Variants in CROCC2 observed in about 807,000 individuals in gnomAD.
The protein encoded by CROCC2 is ciliary rootlet coiled-coil, rootletin family member 2, also known as ciliary rootlet coiled-coil protein 2.
A neutral mutation model predicts 177.6 loss-of-function variants in CROCC2; 163 were observed. The ratio of observed to expected loss-of-function variants is 0.92; its 90% confidence interval spans 0.81 to 1.05. The LOEUF (loss-of-function observed/expected upper bound fraction) is 1.05, where lower values mean the gene tolerates loss of function less well. CROCC2 is among the 50% of genes least tolerant of loss of function. The pLI is 0.00. For missense variants in CROCC2, 1,929 were observed against 1,797.8 expected (o/e 1.07, Z -1.32); for synonymous variants, 904 against 787.3 (o/e 1.15, Z -2.48).
At chr2:240,991,065 GC>G in intron 30 of CROCC2, 130 bp from the exon 31 acceptor site, 1 of 589,760 alleles carries the variant, frequency 1.7e-6, no homozygotes, top group Non-Finnish European at 2.9e-6. Flanking sequence ...TCCCATGCAT[GC>G]CACCTCTCCT....
chr2:240,950,910 T>G lies in CROCC2; in HGVS notation c.2829+400T>G, dbSNP rs370665560. On this transcript the variant is annotated intron_variant, in intron 18 of 31. Transcript: ENST00000690015. ...ATCCATCCATTTATCCATCCATCCA[T>G]CCAGCCATCCATCCACCCATTTACC... 6.5e-4 allele frequency: 60 copies of G among 93,002 alleles called. 1 individual carries two copies. Among genetic ancestry groups the G allele is most frequent in the South Asian group, 8.5e-4 (3 of 3,544 alleles). The allele number at this position is 93,002 out of a possible 1,614,324, so 5.8% of individuals were successfully genotyped here.
intron 27 of CROCC2, among the ~76,000 whole-genome samples, chr2:240,979,991 C>A (rs2059787271): frequency 3.2e-5 from 1 of 31,392 alleles, no homozygotes; most frequent in Admixed American, 3.2e-4. Flanking sequence ...GGGGTAGGAG[C>A]CTCAGGATCC....
intron 5 of CROCC2, among the ~76,000 whole-genome samples, chr2:240,929,214 G>C (rs2059412496): frequency 3.3e-5 from 5 of 152,178 alleles, no homozygotes. Flanking sequence ...GTTCTTCAAG[G>C]TCTCGTTCTA....
chr2:240,954,790 A>T (rs2059580181), intron 18 of CROCC2: 1 of 152,068 alleles, frequency 6.6e-6, no homozygotes, highest in African/African-American at 2.4e-5. Context: ...CCATCCTGAA[A>T]TTCAGTAGGA....
chr2:240,956,119 C>T, intron 19 of CROCC2, 147 bp downstream of exon 19: 2 of 641,628 alleles, frequency 3.1e-6, no homozygotes, highest in Non-Finnish European at 2.8e-6. Context: ...GCCTCCAGGG[C>T]TCCTGGTGGG....
At position 240,932,650 on chromosome 2, in the gene CROCC2, T is replaced by C. The variant is rs1256165889; in HGVS notation, c.1045-52T>C. The C allele has an allele frequency of 5.6e-6, 4 of 718,872 alleles. No individual in the cohort carries two copies. The Admixed American group carries it at 8.0e-5, about 14-fold the overall frequency. The allele number at this position is 718,872 out of a possible 1,614,324, so 44.5% of individuals were successfully genotyped here. A position where few individuals can be genotyped will look rare whatever the true frequency, so the allele number is the denominator to read the frequency against. On this transcript the variant is annotated intron_variant, in intron 8 of 31. Coordinates refer to ENST00000690015, the MANE Select transcript of CROCC2 (RefSeq NM_001351305.2). ...GACTGTCTGCGCGGTCCCCACCAAA[T>C]CATGGCCCTGTGCTCTGGGCCCCTC...
In CROCC2 at chr2:240,934,188, C is replaced by T. The variant is rs2059452702; in HGVS notation, c.1647-143C>T. 7.5e-6 allele frequency: 7 copies of T among 935,076 alleles called. No homozygotes were observed. The South Asian group carries it at 1.2e-4, about 17-fold the overall frequency. The allele number at this position is 935,076 out of a possible 1,614,324, so 57.9% of individuals were successfully genotyped here. On this transcript the variant is annotated intron_variant, in intron 11 of 31. Transcript: ENST00000690015. ...AGCCTGGAAGCGAAGGGCTCCCTGC[C>T]TTCCTGGTCCTCCAGGGACTCCATG...
Position 240,962,296 on chromosome 2 carries a change from G to A in CROCC2, c.3088-1260G>A, listed in dbSNP as rs143568299. On this transcript the variant is annotated intron_variant, in intron 20 of 31. Coordinates refer to ENST00000690015, the MANE Select transcript of CROCC2 (RefSeq NM_001351305.2). The stretch of plus-strand genomic sequence containing the variant: ...TCTCATGAGGCAGAGGGAGCGGGTG[G>A]GGTGGGGGCGGGAGTGGGGGCAGGC... Among the ~76,000 whole-genome samples the A allele has an allele frequency of 7.7e-3, 1,168 of 152,182 alleles. 14 individuals carry two copies. Among genetic ancestry groups the A allele is most frequent in the African/African-American group, 0.027 (1,126 of 41,514 alleles).
At chr2:240,928,716 G>A (rs1346921076) in intron 5 of CROCC2, among the ~76,000 whole-genome samples, 1 of 152,200 alleles carries the variant, frequency 6.6e-6, no homozygotes, top group Non-Finnish European at 1.5e-5. Context: ...GGCACGGGGT[G>A]GCATGCCCTC....
intron 1 of CROCC2, among the ~76,000 whole-genome samples, chr2:240,914,154 C>T (rs1392794061): frequency 6.6e-6 from 1 of 152,196 alleles, no homozygotes; most frequent in Non-Finnish European, 1.5e-5. Flanking sequence ...TGCAGTGGAG[C>T]CAAGTCCAGA....
intron 3 of CROCC2, 60 bp from the exon 4 acceptor site, chr2:240,922,479 C>T (rs2059362589): frequency 1.6e-6 from 1 of 643,882 alleles, no homozygotes; most frequent in Admixed American, 2.3e-5. Flanking sequence ...CAAGATGCCC[C>T]AGCCCCTGCC....
chr2:240,950,190 T>G, intron 17 of CROCC2, 144 bp from the exon 18 acceptor site: 1 of 723,576 alleles, frequency 1.4e-6, no homozygotes, highest in Middle Eastern at 4.0e-4. Flanking sequence ...GGGGAAGACG[T>G]GGGGGGTGTG....
In CROCC2 at chr2:240,949,596, T is replaced by C; in HGVS notation, c.2546T>C (p.Val849Ala). 1 of 1,549,706 alleles carries C rather than the reference T, an allele frequency of 6.5e-7. No homozygotes were observed. Among genetic ancestry groups the C allele is most frequent in the Non-Finnish European group, 8.7e-7 (1 of 1,146,770 alleles). Residue 849 changes from valine to alanine, a missense_variant, in exon 17 of 32, where the codon GTG (valine) becomes GCG (alanine). Val to Ala is a moderately conservative substitution (Grantham distance 64). This residue lies in a region of CROCC2 where 1,397 missense variants were observed against 1,239.9 expected (regional missense o/e 1.13). Transcript: ENST00000690015. This position sits in a 1 kb window ranked among gnomAD's most constrained non-coding sequence, Gnocchi z 4.5. ...GAAATGAAGCTGCGGCAGGACACGG[T>C]GCGGCTCCAGCGACAGGTGGCACAG... The part of the protein sequence containing the change: ...VQEMKLRQDT[V>A]RLQRQVAQQE...
chr2:240,972,977 C>A lies in CROCC2; in HGVS notation c.4401+4715C>A, dbSNP rs1488238714. 2.0e-5 allele frequency among the ~76,000 whole-genome samples: 3 copies of A among 152,078 alleles called. No homozygotes were observed. The highest frequency in any genetic ancestry group is 4.4e-5 in the Non-Finnish European group (3 of 68,020). ...AGGGGGCTGGGAACATAGCCATGCTCCCTGCTGCCCCATGCCCCTTGCTGA... is the reference window on the plus strand; with the variant it reads ...AGGGGGCTGGGAACATAGCCATGCTACCTGCTGCCCCATGCCCCTTGCTGA... On this transcript the variant is annotated intron_variant, in intron 27 of 31. Transcript: ENST00000690015. The surrounding 1 kb of genome is among the most constrained non-coding windows in gnomAD (Gnocchi z 7.1).
intron 21 of CROCC2, 114 bp downstream of exon 21, chr2:240,963,887 C>T: frequency 8.7e-7 from 1 of 1,146,352 alleles, no homozygotes; most frequent in Non-Finnish European, 1.2e-6. Flanking sequence ...ACTTGGGCCC[C>T]ACTGATGGTG....
At chr2:240,927,194 G>A (rs1444499648) in intron 5 of CROCC2, among the ~76,000 whole-genome samples, 1 of 152,194 alleles carries the variant, frequency 6.6e-6, no homozygotes, top group Non-Finnish European at 1.5e-5. Flanking sequence ...CCTTATCGAA[G>A]TAACATGTCT....
In CROCC2 at chr2:240,989,648, C is replaced by T. The variant is rs534978829; in HGVS notation, c.4684-6C>T. ...CAGCAGTGAGATGCCCAAGTTCTCA[C>T]TCCAGGCCCAGATGACAGAGATGGA... On this transcript the variant is annotated splice_polypyrimidine_tract_variant and splice_region_variant and intron_variant, in intron 29 of 31. Transcript: ENST00000690015. 407 of 1,541,774 alleles carry T rather than the reference C, an allele frequency of 2.6e-4. No individual in the cohort carries two copies. Among genetic ancestry groups the T allele is most frequent in the Non-Finnish European group, 3.3e-4 (378 of 1,140,486 alleles).
At chr2:240,959,213 CCT>C in intron 19 of CROCC2, 86 bp from the exon 20 acceptor site, 2 of 1,415,282 alleles carry the variant, frequency 1.4e-6, no homozygotes, top group Non-Finnish European at 1.9e-6. Context: ...CACTGCAACA[CCT>C]CTCTCTCCAG....
intron 5 of CROCC2, among the ~76,000 whole-genome samples, chr2:240,928,733 C>T (rs1163181636): frequency 5.1e-5 from 7 of 137,866 alleles, no homozygotes; most frequent in African/African-American, 7.5e-5. Context: ...CCTCGGAGGG[C>T]GTGCAGACAG....
Sources: gnomAD v4.1 joint callset for allele counts (sites outside exome capture counted in the v4.1 genomes callset) on GRCh38, gnomAD v4.1.1 for gene constraint, gnomAD v4.1.1 regional missense constraint, Gnocchi (gnomAD v3.1) non-coding constraint, MANE v1.5 for transcripts, NCBI Gene and HGNC (gene_info 2026-07-23, HGNC 2026-07-21) for gene names.